Variants in ARL13A observed in about 807,000 individuals in gnomAD.
ARL13A encodes ARF like GTPase 13A, also known as ADP-ribosylation factor-like protein 13A.
ARL13A carries 16 observed loss-of-function variants against 19.1 expected under a neutral mutation model. The observed-to-expected ratio is 0.84, with a 90% CI of 0.57 to 1.27. The LOEUF (loss-of-function observed/expected upper bound fraction) is 1.27, where lower values mean the gene tolerates loss of function less well. Ranked by LOEUF, ARL13A falls within the 50% of genes most tolerant of loss-of-function variation. The pLI is 0.00. For synonymous variants in ARL13A, 69 were observed against 71.3 expected (o/e 0.97, Z 0.17); for missense variants, 153 against 186.4 (o/e 0.82, Z 1.04).
chrX:100,978,947 C>T (rs1482126901), intron 3 of ARL13A, among the ~76,000 whole-genome samples: 1 of 110,859 alleles, frequency 9.0e-6, no homozygotes, highest in Non-Finnish European at 1.9e-5. Flanking sequence ...CTGGAAACCC[C>T]ATTACTTTAA....
chrX:100,988,095 C>T, intron 6 of ARL13A, 98 bp from the exon 7 acceptor site: 1 of 661,575 alleles, frequency 1.5e-6, no homozygotes, highest in Admixed American at 3.2e-5. Context: ...TTTCATTGCC[C>T]AAAGGCATAT....
chrX:100,973,823 CA>C (rs2085719207), intron 2 of ARL13A, 75 bp downstream of exon 2: 21 of 1,002,811 alleles, frequency 2.1e-5, no homozygotes, highest in Non-Finnish European at 2.8e-5. Flanking sequence ...CCTCAAGGGA[CA>C]AATCTTCATA....
intron 4 of ARL13A, among the ~76,000 whole-genome samples, chrX:100,986,392 C>T (rs2147974931): frequency 8.9e-6 from 1 of 111,879 alleles, no homozygotes; most frequent in East Asian, 2.8e-4. Context: ...AGTCAATTCT[C>T]ATCCCCGCCC....
intron 4 of ARL13A, 25 bp from the exon 5 acceptor site, chrX:100,986,771 C>G: frequency 9.2e-7 from 1 of 1,082,291 alleles, no homozygotes; most frequent in Non-Finnish European, 1.3e-6. Flanking sequence ...CACTCTTTTC[C>G]TCCCTCTCTC....
At chrX:100,974,724 T>G (rs1336109468) in intron 3 of ARL13A, among the ~76,000 whole-genome samples, 1 of 111,558 alleles carries the variant, frequency 9.0e-6, no homozygotes. Flanking sequence ...TAATACCAGG[T>G]CTCTAGTTCA....
At chrX:100,983,292 CA>C (rs1006627496) in intron 3 of ARL13A, among the ~76,000 whole-genome samples, 11 of 108,631 alleles carry the variant, frequency 1.0e-4, no homozygotes, top group Middle Eastern at 4.8e-3. Flanking sequence ...TCTGACAGGG[CA>C]AAAAAAATAT....
chrX:100,978,333 GTCTA>G lies in ARL13A; in HGVS notation c.130+4140_130+4143del, dbSNP rs762694424. 1.2e-4 allele frequency among the ~76,000 whole-genome samples: 13 copies of G among 111,706 alleles called. No individual in the cohort carries two copies. In the East Asian group the frequency reaches 1.7e-3, roughly 14 times the overall value. On this transcript the variant is annotated intron_variant, in intron 3 of 7. Transcript: ENST00000450049. ...AATCTCCAATTATTGCTGTATTGGG[GTCTA>G]TCTCTCTCTCTTTAGCTCTAATAAT...
At chrX:100,982,126 G>C (rs1226455328) in intron 3 of ARL13A, among the ~76,000 whole-genome samples, 1 of 110,825 alleles carries the variant, frequency 9.0e-6, no homozygotes, top group Non-Finnish European at 1.9e-5. Flanking sequence ...CAATCAGCTG[G>C]GGAGCTTTTT....
intron 3 of ARL13A, among the ~76,000 whole-genome samples, chrX:100,982,497 AT>A (rs1369951833): frequency 9.2e-6 from 1 of 108,658 alleles, no homozygotes; most frequent in African/African-American, 3.4e-5. Flanking sequence ...AAATAAATAA[AT>A]AAATAAATAA....
At chrX:100,974,025 T>C in intron 2 of ARL13A, 102 bp from the exon 3 acceptor site, 2 of 692,351 alleles carry the variant, frequency 2.9e-6, no homozygotes, top group Non-Finnish European at 4.5e-6. Flanking sequence ...TTGAGATTAC[T>C]GCAGGCAGAG....
intron 3 of ARL13A, among the ~76,000 whole-genome samples, chrX:100,982,826 C>A (rs1328388440): frequency 3.6e-5 from 4 of 109,893 alleles, no homozygotes; most frequent in African/African-American, 1.3e-4. Context: ...TGTATCTTAA[C>A]AAACTCACCA....
chrX:100,981,668 G>T (rs2085857914), intron 3 of ARL13A, among the ~76,000 whole-genome samples: 1 of 107,717 alleles, frequency 9.3e-6, no homozygotes, highest in Non-Finnish European at 1.9e-5. Flanking sequence ...AATTAGCCAG[G>T]TATGGTGACA....
At chrX:100,975,236 C>G (rs1490172227) in intron 3 of ARL13A, among the ~76,000 whole-genome samples, 1 of 111,867 alleles carries the variant, frequency 8.9e-6, no homozygotes, top group East Asian at 2.8e-4. Context: ...ACAGCCACAA[C>G]AAATGACTTG....
intron 7 of ARL13A, 151 bp from the exon 8 acceptor site, chrX:100,990,411 C>T (rs1448885176): frequency 1.1e-6 from 1 of 944,843 alleles, no homozygotes; most frequent in Non-Finnish European, 1.3e-6. Flanking sequence ...GATATCCCTC[C>T]CTTAGCAAAC....
intron 1 of ARL13A, among the ~76,000 whole-genome samples, chrX:100,970,724 T>C (rs1234515584): frequency 9.2e-6 from 1 of 108,270 alleles, no homozygotes; most frequent in Admixed American, 9.9e-5. Flanking sequence ...AAAAGCCTGG[T>C]ATAAGTAGAC....
intron 3 of ARL13A, 45 bp downstream of exon 3, chrX:100,974,242 A>G: frequency 1.0e-6 from 1 of 982,628 alleles, no homozygotes; most frequent in East Asian, 3.3e-5. Context: ...TCTCCCATGG[A>G]CCCCAGAATC....
intron 3 of ARL13A, among the ~76,000 whole-genome samples, chrX:100,981,623 C>T (rs1195981902): frequency 9.6e-6 from 1 of 104,045 alleles, no homozygotes; most frequent in African/African-American, 3.5e-5. Context: ...GGGCAACATG[C>T]CAAAACTCTC....
chrX:100,972,530 C>A (rs1455519782), intron 1 of ARL13A, among the ~76,000 whole-genome samples: 1 of 77,852 alleles, frequency 1.3e-5, no homozygotes, highest in African/African-American at 5.1e-5. Flanking sequence ...GCTGGCCGGG[C>A]GGGGGACTGA....
At chrX:100,974,461 G>A (rs1183473873) in intron 3 of ARL13A, among the ~76,000 whole-genome samples, 1 of 108,988 alleles carries the variant, frequency 9.2e-6, no homozygotes, top group Non-Finnish European at 1.9e-5. Flanking sequence ...CCCTTTACAA[G>A]ATATCCTAAT....
Sources: gnomAD v4.1 joint callset for allele counts (sites outside exome capture counted in the v4.1 genomes callset) on GRCh38, gnomAD v4.1.1 for gene constraint, MANE v1.5 for transcripts, NCBI Gene and HGNC (gene_info 2026-07-23, HGNC 2026-07-21) for gene names.